Variants in FMN1 observed in about 807,000 individuals in gnomAD.
FMN1 encodes formin-1.
In FMN1, 110 loss-of-function variants were observed where a neutral mutation model predicts 132.4. The observed-to-expected ratio is 0.83, with a 90% CI of 0.71 to 0.97. The LOEUF is 0.97. FMN1 is among the 50% of genes least tolerant of loss of function. FMN1 has a pLI of 0.00. For missense variants in FMN1, 1,792 were observed against 1,705.3 expected, an observed-to-expected ratio of 1.05 and a Z score of -0.90; for synonymous variants, 722 against 651.7, an observed-to-expected ratio of 1.11 and a Z score of -1.64.
intron 15 of FMN1, 31 bp from the exon 16 acceptor site, chr15:32,888,323 T>C (rs1014119933): frequency 2.6e-6 from 4 of 1,548,260 alleles, no homozygotes; most frequent in South Asian, 1.3e-5. Context: ...AAGTACATTA[T>C]ACTTCCCAAT....
chr15:32,792,619 A>T (rs965268704), intron 19 of FMN1, among the ~76,000 whole-genome samples: 3 of 152,170 alleles, frequency 2.0e-5, no homozygotes, highest in Admixed American at 6.5e-5. Context: ...TTTAGCAGGG[A>T]CATGGCTCCC....
chr15:32,802,784 T>C (rs2140997547), intron 18 of FMN1, among the ~76,000 whole-genome samples: 1 of 152,346 alleles, frequency 6.6e-6, no homozygotes, highest in African/African-American at 2.4e-5. Flanking sequence ...TAATCTCTTA[T>C]GTGCTGGATG....
In FMN1 at chr15:32,765,566, T is replaced by G. The variant is rs1437680550; in HGVS notation, c.*8744A>C. 1 of 152,210 alleles carries G rather than the reference T, an allele frequency of 6.6e-6. No homozygotes were observed. The highest frequency in any genetic ancestry group is 1.9e-4 in the East Asian group (1 of 5,200). The allele number at this position is 152,210 out of a possible 1,614,324, so 9.4% of individuals were successfully genotyped here. ...AGATGGACATGAAACCAAGATTTAT[T>G]AAAATACCCTTAGCATATTTACAAT... On this transcript the variant is annotated 3_prime_UTR_variant, in exon 21 of 21. Transcript: ENST00000616417.
At chr15:33,031,108 A>T (rs1315302088) in intron 6 of FMN1, among the ~76,000 whole-genome samples, 1 of 152,146 alleles carries the variant, frequency 6.6e-6, no homozygotes. Flanking sequence ...AGTAAAAAAG[A>T]TCAAGGCACA....
At chr15:33,013,103 G>T (rs1019203180) in intron 6 of FMN1, 2 of 411,380 alleles carry the variant, frequency 4.9e-6, no homozygotes, top group African/African-American at 4.1e-5. Context: ...TAGGAGAGTA[G>T]AGCCAGAGAA....
At chr15:33,109,325 A>C (rs1042993368) in intron 4 of FMN1, among the ~76,000 whole-genome samples, 1 of 152,136 alleles carries the variant, frequency 6.6e-6, no homozygotes, top group Non-Finnish European at 1.5e-5. Flanking sequence ...GAAAATAAAA[A>C]TAAACAACCA....
At chr15:32,799,296 T>TA (rs2057397738) in intron 18 of FMN1, among the ~76,000 whole-genome samples, 1 of 152,170 alleles carries the variant, frequency 6.6e-6, no homozygotes, top group Non-Finnish European at 1.5e-5. Context: ...GTTTAGTGAT[T>TA]ACATGCAAGG....
At position 32,834,438 on chromosome 15, in the gene FMN1, C is replaced by A. The variant is rs114736130; in HGVS notation, c.3928+22577G>T. On this transcript the variant is annotated intron_variant, in intron 17 of 20. Transcript: ENST00000616417. Reference sequence around the variant, plus strand: ...CCCTACGTTAGCTCTGTTCCCTTGCCCTTTCACATTTCAAGCTGCCTCAAG... The same window carrying A: ...CCCTACGTTAGCTCTGTTCCCTTGCACTTTCACATTTCAAGCTGCCTCAAG... 2.7e-3 allele frequency among the ~76,000 whole-genome samples: 412 copies of A among 152,232 alleles called. 2 individuals are homozygous for A. The highest frequency in any genetic ancestry group is 9.6e-3 in the African/African-American group (399 of 41,532).
intron 4 of FMN1, among the ~76,000 whole-genome samples, chr15:33,106,970 C>T (rs1043974407): frequency 6.6e-6 from 1 of 152,010 alleles, no homozygotes; most frequent in Non-Finnish European, 1.5e-5. Context: ...ATGTATCTGG[C>T]CATAAGCTCT....
At chr15:33,108,979 C>G (rs16953727) in intron 4 of FMN1, among the ~76,000 whole-genome samples, 1,680 of 152,172 alleles carry the variant, frequency 0.011, 38 homozygotes, top group African/African-American at 0.038. Flanking sequence ...AAGGAGTTAT[C>G]CAGTCTAATA....
chr15:33,013,736 G>T (rs1294077801), intron 6 of FMN1, among the ~76,000 whole-genome samples: 1 of 152,142 alleles, frequency 6.6e-6, no homozygotes, highest in East Asian at 1.9e-4. Flanking sequence ...TAAATGTTGA[G>T]TCCTAACCCA....
Position 32,927,286 on chromosome 15 carries a change from C to G in FMN1, c.3139-1025G>C, listed in dbSNP as rs566676188. On this transcript the variant is annotated intron_variant, in intron 9 of 20. Coordinates refer to ENST00000616417, the MANE Select transcript of FMN1 (RefSeq NM_001277313.2). Reference sequence around the variant, plus strand: ...ATCAATTAATTTTTGAGATAGTATCCAGCGCCGTCACACAGGCTGGAGTAG... The same window carrying G: ...ATCAATTAATTTTTGAGATAGTATCGAGCGCCGTCACACAGGCTGGAGTAG... 2.0e-5 allele frequency among the ~76,000 whole-genome samples: 3 copies of G among 152,024 alleles called. No homozygotes were observed. The South Asian group carries it at 6.2e-4, about 32-fold the overall frequency.
intron 16 of FMN1, among the ~76,000 whole-genome samples, chr15:32,884,141 A>G (rs1329090726): frequency 6.6e-6 from 1 of 152,198 alleles, no homozygotes; most frequent in Non-Finnish European, 1.5e-5. Flanking sequence ...TTGCTACTAT[A>G]ATAAATTAGC....
chr15:33,021,158 C>T (rs2035397534), intron 6 of FMN1, among the ~76,000 whole-genome samples: 1 of 152,208 alleles, frequency 6.6e-6, no homozygotes, highest in Admixed American at 6.5e-5. Flanking sequence ...GAGAAAGATA[C>T]ATGGTGCAGA....
At chr15:33,085,741 G>T (rs1028876037) in intron 5 of FMN1, among the ~76,000 whole-genome samples, 1 of 151,922 alleles carries the variant, frequency 6.6e-6, no homozygotes, top group African/African-American at 2.4e-5. Context: ...TAAATAATGG[G>T]GGGAAAGGGT....
chr15:33,024,575 A>C (rs1262681131), intron 6 of FMN1, among the ~76,000 whole-genome samples: 2 of 152,176 alleles, frequency 1.3e-5, no homozygotes, highest in African/African-American at 2.4e-5. Flanking sequence ...TAGTCTGCTA[A>C]TACTAACTGC....
At chr15:32,994,232 T>TCACACACACA (rs1555375420) in intron 7 of FMN1, among the ~76,000 whole-genome samples, 1 of 37,200 alleles carries the variant, frequency 2.7e-5, no homozygotes, top group African/African-American at 5.6e-5. Context: ...TCTCTCTCTC[T>TCACACACACA]CACACACACA....
At chr15:33,136,153 C>A (rs1447393832) in intron 4 of FMN1, among the ~76,000 whole-genome samples, 1 of 152,226 alleles carries the variant, frequency 6.6e-6, no homozygotes, top group Admixed American at 6.5e-5. Context: ...CATGACATCA[C>A]AATGTGGTAC....
intron 17 of FMN1, among the ~76,000 whole-genome samples, chr15:32,856,003 A>G (rs964127546): frequency 6.6e-6 from 1 of 152,192 alleles, no homozygotes; most frequent in Non-Finnish European, 1.5e-5. Context: ...TCCTACTTCA[A>G]TACAGACAAC....
Sources: allele counts gnomAD v4.1 joint callset (sites outside exome capture counted in the v4.1 genomes callset), GRCh38; gene constraint gnomAD v4.1.1; transcripts MANE v1.5; gene names NCBI Gene and HGNC (gene_info 2026-07-23, HGNC 2026-07-21).